The following TNFSF4 variants were observed in gnomAD, a reference collection of about 807,000 sequenced individuals.
TNFSF4 encodes the protein tumor necrosis factor ligand superfamily member 4.
Under a neutral mutation model 7.3 loss-of-function variants are expected in TNFSF4, and 4 were observed. The observed-to-expected ratio is 0.55, with a 90% CI of 0.27 to 1.25. The LOEUF (loss-of-function observed/expected upper bound fraction) is 1.25, where lower values mean the gene tolerates loss of function less well. TNFSF4 is among the 50% of genes most tolerant of loss of function. TNFSF4 has a pLI of 0.12. For synonymous variants in TNFSF4, 76 were observed against 83.7 expected (o/e 0.91, Z 0.50); for missense variants, 181 against 208.8 (o/e 0.87, Z 0.82).
the TNFSF4 span, among the ~76,000 whole-genome samples, chr1:173,304,774 G>A: frequency 6.6e-6 from 1 of 151,956 alleles, no homozygotes; most frequent in African/African-American, 2.4e-5. Context: ...AGCAATCTGG[G>A]AGAGAGGACA....
At chr1:173,178,849 G>C (rs1012267020), downstream of TNFSF4, among the ~76,000 whole-genome samples, 3 of 152,110 alleles carry the variant, frequency 2.0e-5, no homozygotes, top group African/African-American at 4.8e-5. Flanking sequence ...AATTTTCCAG[G>C]GGGTTCCTAA....
chr1:173,180,990 CTGAG>C (rs1649047503), downstream of TNFSF4, among the ~76,000 whole-genome samples: 1 of 152,098 alleles, frequency 6.6e-6, no homozygotes, highest in African/African-American at 2.4e-5. Context: ...TTCAAACTGG[CTGAG>C]TGTTGATGGT....
chr1:173,337,948 G>C, the TNFSF4 span, among the ~76,000 whole-genome samples: 1 of 152,156 alleles, frequency 6.6e-6, no homozygotes, highest in Non-Finnish European at 1.5e-5. Context: ...AGGATCACTT[G>C]TTCTGTGGGT....
the TNFSF4 span, among the ~76,000 whole-genome samples, chr1:173,420,551 T>C: frequency 3.3e-5 from 5 of 152,200 alleles, no homozygotes; most frequent in African/African-American, 1.2e-4. Context: ...GCCTTTTTTT[T>C]TCCTGGCCAG....
At chr1:173,256,877 T>C in the TNFSF4 span, among the ~76,000 whole-genome samples, 1 of 152,260 alleles carries the variant, frequency 6.6e-6, no homozygotes, top group African/African-American at 2.4e-5. Context: ...TCCTTACTCT[T>C]GAATTCATAG....
chr1:173,257,024 T>G, the TNFSF4 span, among the ~76,000 whole-genome samples: 2 of 152,184 alleles, frequency 1.3e-5, no homozygotes, highest in Non-Finnish European at 2.9e-5. Context: ...CTTCATCACT[T>G]CTCCACTGTT....
At position 173,186,356 on chromosome 1, in the gene TNFSF4, C is replaced by T. The variant is rs1023974224; in HGVS notation, c.*160G>A. 3.9e-5 allele frequency: 23 copies of T among 591,368 alleles called. No individual in the cohort carries two copies. The Admixed American group carries it at 5.2e-4, about 13-fold the overall frequency. The allele number at this position is 591,368 out of a possible 1,614,324, so 36.6% of individuals were successfully genotyped here. On this transcript the variant is annotated 3_prime_UTR_variant, in exon 3 of 3. Transcript: ENST00000281834. The stretch of plus-strand genomic sequence containing the variant: ...GGTATATAAAATAAGTTTTAAATAT[C>T]CCTGAGGGGTGGGGGCGGGAGGGCC...
chr1:173,407,559 C>CAA, the TNFSF4 span, among the ~76,000 whole-genome samples: 1,958 of 71,856 alleles, frequency 0.027, 130 homozygotes, highest in African/African-American at 0.096. Context: ...GACTCTGCCT[C>CAA]AAAAAAAAAA....
the TNFSF4 span, among the ~76,000 whole-genome samples, chr1:173,377,827 C>A: frequency 6.6e-6 from 1 of 152,164 alleles, no homozygotes; most frequent in Non-Finnish European, 1.5e-5. Context: ...GAAATGGTAT[C>A]TTTCCTATTC....
rs756740545 is a variant in TNFSF4, at chr1:173,186,574, A to G, written c.494T>C (p.Val165Ala). 24 of 1,614,148 alleles carry G rather than the reference A, an allele frequency of 1.5e-5. No homozygotes were observed. The highest frequency in any genetic ancestry group is 2.0e-5 in the Non-Finnish European group (24 of 1,180,004). The change falls in exon 3 of 3, where the codon GTG becomes GCG. Residue 165 changes from valine to alanine, a missense_variant. By Grantham distance (64) the Val-to-Ala change is moderately conservative. Transcript: ENST00000281834. ...GATAAGAATCAGTTCTCCGCCATTC[A>G]CATGGAAGTCATCCAGGGAGGTATT... is the stretch of plus-strand genomic sequence containing the variant. ...TDNTSLDDFH[V>A]NGGELILIHQ...
At chr1:173,373,939 G>T in the TNFSF4 span, among the ~76,000 whole-genome samples, 4 of 152,190 alleles carry the variant, frequency 2.6e-5, no homozygotes. Context: ...GCAACTCAGG[G>T]AATTTCCAGG....
the TNFSF4 span, among the ~76,000 whole-genome samples, chr1:173,357,448 T>C: frequency 2.0e-5 from 3 of 152,152 alleles, no homozygotes; most frequent in Admixed American, 6.5e-5. Flanking sequence ...AACTAGAAAG[T>C]GAGAACCAGG....
chr1:173,436,832 C>T, the TNFSF4 span, among the ~76,000 whole-genome samples: 1 of 152,106 alleles, frequency 6.6e-6, no homozygotes, highest in Non-Finnish European at 1.5e-5. Flanking sequence ...TGTGTCCCAG[C>T]GCTGATGGCA....
the TNFSF4 span, among the ~76,000 whole-genome samples, chr1:173,356,429 G>C: frequency 1.2e-4 from 18 of 152,220 alleles, no homozygotes; most frequent in African/African-American, 4.3e-4. Context: ...TCTGATAAGA[G>C]ACAGTTATCT....
the TNFSF4 span, among the ~76,000 whole-genome samples, chr1:173,318,210 G>A: frequency 6.6e-6 from 1 of 152,214 alleles, no homozygotes; most frequent in Non-Finnish European, 1.5e-5. Context: ...GGAGGCCAAG[G>A]GGGGTGGATC....
At chr1:173,436,472 T>C in the TNFSF4 span, among the ~76,000 whole-genome samples, 2,164 of 152,302 alleles carry the variant, frequency 0.014, 68 homozygotes, top group African/African-American at 0.05. Flanking sequence ...TGCAGTGGCA[T>C]GATCTTGGCT....
chr1:173,307,755 G>A, the TNFSF4 span, among the ~76,000 whole-genome samples: 7 of 151,928 alleles, frequency 4.6e-5, no homozygotes, highest in Non-Finnish European at 7.4e-5. Flanking sequence ...ACACACACAC[G>A]TGAGTCTGGA....
chr1:173,283,751 T>C, the TNFSF4 span, among the ~76,000 whole-genome samples: 2 of 151,798 alleles, frequency 1.3e-5, no homozygotes, highest in Non-Finnish European at 2.9e-5. Flanking sequence ...GCAAGAAAAA[T>C]GGTAAACATA....
At chr1:173,395,002 AGAT>A in the TNFSF4 span, among the ~76,000 whole-genome samples, 1 of 125,102 alleles carries the variant, frequency 8.0e-6, no homozygotes, top group Non-Finnish European at 1.7e-5. Flanking sequence ...ATAGATAGAT[AGAT>A]AGATAGATAG....
Sources: gnomAD v4.1 joint callset for allele counts (sites outside exome capture counted in the v4.1 genomes callset) on GRCh38, gnomAD v4.1.1 for gene constraint, MANE v1.5 for transcripts, NCBI Gene and HGNC (gene_info 2026-07-23, HGNC 2026-07-21) for gene names.